The following IQGAP2 variants were observed in gnomAD, a reference collection of about 807,000 sequenced individuals.
IQGAP2 encodes ras GTPase-activating-like protein IQGAP2.
In IQGAP2, 173 loss-of-function variants were observed where a neutral mutation model predicts 201.3. The ratio of observed to expected loss-of-function variants is 0.86; its 90% confidence interval spans 0.76 to 0.98. The LOEUF is 0.98. Among genes scored for constraint, IQGAP2 ranks in the 50% least tolerant of loss-of-function variants. The pLI is 0.00. For synonymous variants in IQGAP2, 675 were observed against 673.9 expected (o/e 1.00, Z -0.03); for missense variants, 1,687 against 1,864.8 (o/e 0.90, Z 1.76).
At chr5:76,621,835 G>A (rs557242643) in intron 13 of IQGAP2, among the ~76,000 whole-genome samples, 3 of 152,068 alleles carry the variant, frequency 2.0e-5, no homozygotes, top group Admixed American at 2.0e-4. Flanking sequence ...ATAATATTTC[G>A]GAAATGTTTT....
chr5:76,408,109 C>T (rs572104584), intron 1 of IQGAP2, among the ~76,000 whole-genome samples: 10 of 152,160 alleles, frequency 6.6e-5, no homozygotes, highest in East Asian at 1.9e-4. Flanking sequence ...TGCAATAAGC[C>T]GAGATCACGC....
chr5:76,453,205 C>T (rs1212282134), intron 1 of IQGAP2, among the ~76,000 whole-genome samples: 1 of 152,160 alleles, frequency 6.6e-6, no homozygotes, highest in Non-Finnish European at 1.5e-5. Flanking sequence ...TGAGCCACCG[C>T]ACCCAGCCTT....
chr5:76,443,242 C>T lies in IQGAP2; in HGVS notation c.47-18328C>T, dbSNP rs561580392. Among the ~76,000 whole-genome samples, 15 of 152,184 alleles carry T rather than the reference C, an allele frequency of 9.9e-5. No individual in the cohort carries two copies. In the East Asian group the frequency reaches 2.9e-3, roughly 29 times the overall value. On this transcript the variant is annotated intron_variant, in intron 1 of 35. Transcript: ENST00000274364. Reference sequence around the variant, plus strand: ...TTAAATCATCTGCTCATTACAGAACCTCATTTCAACATAACAGTTCTCTGG... The same window carrying T: ...TTAAATCATCTGCTCATTACAGAACTTCATTTCAACATAACAGTTCTCTGG...
At chr5:76,507,207 C>T (rs1580344100) in intron 2 of IQGAP2, among the ~76,000 whole-genome samples, 1 of 152,128 alleles carries the variant, frequency 6.6e-6, no homozygotes. Context: ...CAGAAATAGA[C>T]CTACTTAAAT....
chr5:76,678,270 T>C (rs72774613), intron 28 of IQGAP2, among the ~76,000 whole-genome samples: 27 of 152,342 alleles, frequency 1.8e-4, no homozygotes, highest in Non-Finnish European at 3.8e-4. Context: ...TTTCACATCA[T>C]GTGCTGTGTT....
chr5:76,703,486 C>T (rs1747604534), intron 35 of IQGAP2, among the ~76,000 whole-genome samples: 1 of 151,986 alleles, frequency 6.6e-6, no homozygotes, highest in South Asian at 2.1e-4. Flanking sequence ...AATTTATTAA[C>T]TCTATTTGTC....
chr5:76,484,553 C>A (rs1755994296), intron 2 of IQGAP2, among the ~76,000 whole-genome samples: 2 of 152,150 alleles, frequency 1.3e-5, no homozygotes, highest in South Asian at 4.1e-4. Flanking sequence ...GGCTATGAAG[C>A]ACTTTTCCTT....
At chr5:76,675,045 T>A (rs753532425) in intron 27 of IQGAP2, among the ~76,000 whole-genome samples, 42 of 152,252 alleles carry the variant, frequency 2.8e-4, no homozygotes, top group Non-Finnish European at 5.6e-4. Context: ...AGCAGATTTC[T>A]GCTTCTTTCA....
intron 22 of IQGAP2, 81 bp from the exon 23 acceptor site, chr5:76,668,600 A>T (rs372961646): frequency 4.4e-5 from 50 of 1,127,684 alleles, no homozygotes; most frequent in Non-Finnish European, 4.5e-5. Context: ...AGGGAATCAG[A>T]TACTGCTTTG....
intron 1 of IQGAP2, among the ~76,000 whole-genome samples, chr5:76,448,132 A>G (rs1357817099): frequency 6.6e-6 from 1 of 152,200 alleles, no homozygotes; most frequent in East Asian, 1.9e-4. Flanking sequence ...TGTGCTCGCC[A>G]TGTGTCATCT....
chr5:76,671,601 T>A (rs563707593), intron 23 of IQGAP2, among the ~76,000 whole-genome samples, 158 bp from the exon 24 acceptor site: 1 of 148,352 alleles, frequency 6.7e-6, no homozygotes, highest in Non-Finnish European at 1.5e-5. Flanking sequence ...GGCAGGAGAA[T>A]CGCTTGAACC....
chr5:76,631,898 G>A lies in IQGAP2; in HGVS notation c.1652G>A (p.Gly551Glu), dbSNP rs769166078. 1.9e-6 allele frequency: 3 copies of A among 1,608,952 alleles called. No homozygotes were observed. Among genetic ancestry groups the A allele is most frequent in the South Asian group, 2.2e-5 (2 of 90,094 alleles). ...GTTGATGTTAATCAGTGTTTGGAAG[G>A]AAAAAAATCAAGTGATATTTTGTCT... is the stretch of plus-strand genomic sequence containing the variant. ...LVVDVNQCLE[G>E]KKSSDILSVL... Residue 551 changes from glycine to glutamate, a missense_variant, in exon 15 of 36, where the codon GGA (glycine) becomes GAA (glutamate). Transcript: ENST00000274364.
intron 5 of IQGAP2, among the ~76,000 whole-genome samples, chr5:76,587,380 T>TA (rs1233032476): frequency 1.3e-5 from 2 of 152,234 alleles, no homozygotes; most frequent in Non-Finnish European, 2.9e-5. Context: ...TGTCTATATG[T>TA]AAGTAGGTTT....
At chr5:76,588,281 A>G (rs1746388564) in intron 5 of IQGAP2, among the ~76,000 whole-genome samples, 1 of 152,186 alleles carries the variant, frequency 6.6e-6, no homozygotes, top group Non-Finnish European at 1.5e-5. Flanking sequence ...CCAGCTCTCA[A>G]GTTCTTTTCT....
At chr5:76,437,067 C>A (rs1293652593) in intron 1 of IQGAP2, among the ~76,000 whole-genome samples, 1 of 148,278 alleles carries the variant, frequency 6.7e-6, no homozygotes, top group South Asian at 2.1e-4. Context: ...TTTTTTTTTT[C>A]TTAAGACAGA....
chr5:76,701,265 T>C (rs774419918), intron 34 of IQGAP2, 52 bp downstream of exon 34: 3 of 1,589,210 alleles, frequency 1.9e-6, no homozygotes, highest in East Asian at 2.2e-5. Flanking sequence ...TGATTTCTTG[T>C]GGCCTTGGAG....
At chr5:76,660,816 T>C (rs1038736109) in intron 21 of IQGAP2, among the ~76,000 whole-genome samples, 12 of 152,176 alleles carry the variant, frequency 7.9e-5, no homozygotes, top group African/African-American at 2.9e-4. Flanking sequence ...ACAGAGCAAT[T>C]GAAGCTTTAT....
At chr5:76,460,522 G>T (rs957029219) in intron 1 of IQGAP2, among the ~76,000 whole-genome samples, 2 of 151,654 alleles carry the variant, frequency 1.3e-5, no homozygotes, top group African/African-American at 2.4e-5. Flanking sequence ...TGGAAAAGGG[G>T]TAGTGGCTGA....
At chr5:76,433,447 CT>C (rs1752486483) in intron 1 of IQGAP2, among the ~76,000 whole-genome samples, 1 of 152,158 alleles carries the variant, frequency 6.6e-6, no homozygotes, top group African/African-American at 2.4e-5. Flanking sequence ...TAAATTCTTG[CT>C]GAATTCTGGC....
Sources: gnomAD v4.1 joint callset for allele counts (sites outside exome capture counted in the v4.1 genomes callset) on GRCh38, gnomAD v4.1.1 for gene constraint, MANE v1.5 for transcripts, NCBI Gene and HGNC (gene_info 2026-07-23, HGNC 2026-07-21) for gene names.